The following CCDC171 variants were observed in gnomAD, a reference collection of about 807,000 sequenced individuals.
The protein encoded by CCDC171 is coiled-coil domain containing 171, also known as coiled-coil domain-containing protein 171.
In CCDC171, 177 loss-of-function variants were observed where a neutral mutation model predicts 168.2. The observed-to-expected ratio is 1.05, with a 90% confidence interval of 0.93 to 1.19. CCDC171 has a LOEUF of 1.19. CCDC171 is among the 50% of genes most tolerant of loss of function. CCDC171 has a pLI of 0.00. For missense variants in CCDC171, 1,991 were observed against 1,539.0 expected (o/e 1.29, Z -4.91); for synonymous variants, 687 against 540.8 (o/e 1.27, Z -3.75).
At chr9:15,670,890 C>G (rs566840968) in intron 9 of CCDC171, among the ~76,000 whole-genome samples, 26 of 152,104 alleles carry the variant, frequency 1.7e-4, no homozygotes, top group African/African-American at 5.1e-4. Flanking sequence ...TACCTGTAAT[C>G]CCAGCACTTT....
chr9:15,756,022 C>G (rs1170223373), intron 18 of CCDC171, among the ~76,000 whole-genome samples: 1 of 152,110 alleles, frequency 6.6e-6, no homozygotes, highest in African/African-American at 2.4e-5. Flanking sequence ...TCCTTTATGT[C>G]AGGAAGGCAA....
chr9:15,827,468 G>C (rs901154023), intron 21 of CCDC171, among the ~76,000 whole-genome samples: 1 of 152,164 alleles, frequency 6.6e-6, no homozygotes, highest in Non-Finnish European at 1.5e-5. Flanking sequence ...AGCTTTCACT[G>C]CTTTCTAAAA....
At chr9:15,661,410 A>C (rs1041501679) in intron 8 of CCDC171, among the ~76,000 whole-genome samples, 14 of 152,152 alleles carry the variant, frequency 9.2e-5, no homozygotes, top group Admixed American at 4.6e-4. Context: ...CATCCCTGGG[A>C]ATATATAGTT....
intron 25 of CCDC171, among the ~76,000 whole-genome samples, chr9:15,938,941 A>G (rs1244923700): frequency 3.3e-5 from 5 of 151,802 alleles, no homozygotes; most frequent in Admixed American, 2.0e-4. Context: ...TAATTTTTTC[A>G]TGATAAAATG....
chr9:15,896,785 T>C (rs1359622895), intron 24 of CCDC171, among the ~76,000 whole-genome samples: 3 of 152,220 alleles, frequency 2.0e-5, no homozygotes, highest in South Asian at 2.1e-4. Context: ...CAATTTTAAC[T>C]GAACAGTGGT....
chr9:15,602,261 G>C (rs546910545), intron 6 of CCDC171, among the ~76,000 whole-genome samples: 1 of 145,992 alleles, frequency 6.8e-6, no homozygotes, highest in South Asian at 2.2e-4. Context: ...CTGAGGGATA[G>C]AGTGAAATTT....
chr9:16,051,912 G>T (rs144915191), intron 1 of CCDC171, among the ~76,000 whole-genome samples: 13 of 152,324 alleles, frequency 8.5e-5, no homozygotes, highest in African/African-American at 3.1e-4. Flanking sequence ...AGTCGAATGA[G>T]GAGCAAAGTC....
At chr9:15,657,416 C>G (rs372717676) in intron 8 of CCDC171, among the ~76,000 whole-genome samples, 197 bp downstream of exon 8, 1 of 152,124 alleles carries the variant, frequency 6.6e-6, no homozygotes, top group Non-Finnish European at 1.5e-5. Context: ...ACACTATAGC[C>G]TACAGGCCAG....
At chr9:15,596,249 G>C (rs1448129834) in intron 6 of CCDC171, among the ~76,000 whole-genome samples, 4 of 152,030 alleles carry the variant, frequency 2.6e-5, no homozygotes. Flanking sequence ...TATTGCCTAG[G>C]TTTTCTTCTA....
At chr9:16,104,625 A>G in the CCDC171 span, among the ~76,000 whole-genome samples, 21 of 152,274 alleles carry the variant, frequency 1.4e-4, no homozygotes, top group South Asian at 4.2e-3. Context: ...TCCATCATCC[A>G]TCAATCATTC....
chr9:16,094,323 G>A, the CCDC171 span, among the ~76,000 whole-genome samples: 3 of 152,220 alleles, frequency 2.0e-5, no homozygotes, highest in African/African-American at 7.2e-5. Flanking sequence ...TGAATAAAGA[G>A]TGGTGAGCTG....
At position 15,564,632 on chromosome 9, in the gene CCDC171, A is replaced by T. The variant is rs10962069; in HGVS notation, c.41+503A>T. Among the ~76,000 whole-genome samples, 37 of 152,186 alleles carry T rather than the reference A, an allele frequency of 2.4e-4. No individual in the cohort carries two copies. In the East Asian group the frequency reaches 6.6e-3, roughly 27 times the overall value. On this transcript the variant is annotated intron_variant, in intron 2 of 25. Transcript: ENST00000380701. ...AATTGCTGTTGCTCATCTTTTTTGT[A>T]CCATTGATTTCTGCCTTTGGGCGTG...
At chr9:15,676,322 G>A (rs1011004434) in intron 9 of CCDC171, among the ~76,000 whole-genome samples, 3 of 152,126 alleles carry the variant, frequency 2.0e-5, no homozygotes, top group African/African-American at 7.2e-5. Flanking sequence ...GTTAGAACAT[G>A]CTCCTTTAGC....
chr9:15,791,690 C>G (rs1031764434), intron 21 of CCDC171, among the ~76,000 whole-genome samples: 1 of 152,160 alleles, frequency 6.6e-6, no homozygotes, highest in African/African-American at 2.4e-5. Flanking sequence ...AAAGGGAACT[C>G]TGCTGCTGAT....
intron 18 of CCDC171, among the ~76,000 whole-genome samples, chr9:15,763,656 C>G (rs747080025): frequency 2.6e-5 from 4 of 152,210 alleles, no homozygotes; most frequent in Non-Finnish European, 5.9e-5. Context: ...AAATTTCTTA[C>G]TACCCATACA....
chr9:15,644,479 A>T (rs1376761658), intron 7 of CCDC171, among the ~76,000 whole-genome samples: 1 of 152,134 alleles, frequency 6.6e-6, no homozygotes, highest in East Asian at 1.9e-4. Context: ...GGGTCAGGGA[A>T]TTCCCTTTCC....
At chr9:15,940,589 A>C (rs1166790919) in intron 25 of CCDC171, among the ~76,000 whole-genome samples, 1 of 151,892 alleles carries the variant, frequency 6.6e-6, no homozygotes, top group African/African-American at 2.4e-5. Flanking sequence ...TACAATAAAC[A>C]ATTTTCTCTC....
intron 9 of CCDC171, among the ~76,000 whole-genome samples, chr9:15,678,466 G>T (rs2049799188): frequency 6.6e-6 from 1 of 152,046 alleles, no homozygotes. Context: ...ACGGTAGGTG[G>T]GTTTTGCTCG....
At chr9:15,560,652 C>T (rs1299986468) in intron 1 of CCDC171, among the ~76,000 whole-genome samples, 1 of 152,086 alleles carries the variant, frequency 6.6e-6, no homozygotes, top group Admixed American at 6.6e-5. Flanking sequence ...AGGTTTTTAG[C>T]TTCTTTGCGA....
Sources: allele counts gnomAD v4.1 joint callset (sites outside exome capture counted in the v4.1 genomes callset), GRCh38; gene constraint gnomAD v4.1.1; transcripts MANE v1.5; gene names NCBI Gene and HGNC (gene_info 2026-07-23, HGNC 2026-07-21).